SDK1: variants seen among roughly 807,000 people sequenced by gnomAD.
SDK1 encodes sidekick cell adhesion molecule 1, also known as protein sidekick-1.
In SDK1, 157 loss-of-function variants were observed where a neutral mutation model predicts 245.5. The observed-to-expected ratio is 0.64, with a 90% CI of 0.56 to 0.73. SDK1 has a LOEUF of 0.73. Among genes scored for constraint, SDK1 ranks in the 30% least tolerant of loss-of-function variants. The probability of loss-of-function intolerance (pLI) is 0.00; values close to 1 mark genes in which losing one functional copy is unlikely to be tolerated. For missense variants in SDK1, 3,583 were observed against 3,002.3 expected (o/e 1.19, Z -4.52); for synonymous variants, 1,647 against 1,278.5 (o/e 1.29, Z -6.15).
intron 1 of SDK1, among the ~76,000 whole-genome samples, chr7:3,467,759 T>G (rs550394087): frequency 6.6e-6 from 1 of 152,230 alleles, no homozygotes; most frequent in African/African-American, 2.4e-5. Flanking sequence ...ATTTTTTTAG[T>G]AAAGCATTTG....
intron 4 of SDK1, among the ~76,000 whole-genome samples, chr7:3,791,485 A>T (rs1781088030): frequency 1.3e-5 from 2 of 152,170 alleles, no homozygotes; most frequent in African/African-American, 2.4e-5. Flanking sequence ...GTCATCAGTC[A>T]TGAGCCCAAA....
rs1054233360 is a variant in SDK1 at position 4,226,293 on chromosome 7, C to A, written c.5827+4929C>A. Among the ~76,000 whole-genome samples the A allele has an allele frequency of 7.9e-5, 12 of 152,182 alleles. 1 individual carries two copies. The highest frequency in any genetic ancestry group is 7.2e-4 in the Admixed American group (11 of 15,276). On this transcript the variant is annotated intron_variant, in intron 40 of 44. Coordinates refer to ENST00000404826, the MANE Select transcript of SDK1 (RefSeq NM_152744.4). ...AGACGGGCACTCGGTGCCAGGCAGC[C>A]CCTCTGGCCCACGTGGTCGGCTCGG... is the stretch of plus-strand genomic sequence containing the variant.
At chr7:3,771,755 A>G (rs1362990347) in intron 4 of SDK1, among the ~76,000 whole-genome samples, 2 of 152,176 alleles carry the variant, frequency 1.3e-5, no homozygotes, top group Admixed American at 6.5e-5. Context: ...GGTAAAATAC[A>G]GATAATCAAA....
intron 4 of SDK1, among the ~76,000 whole-genome samples, chr7:3,812,385 CA>C (rs1226098867): frequency 2.0e-5 from 3 of 152,184 alleles, no homozygotes; most frequent in Non-Finnish European, 4.4e-5. Context: ...GAACGTATTT[CA>C]AATCCAAAGG....
At chr7:3,636,292 A>G (rs1006627541) in intron 2 of SDK1, among the ~76,000 whole-genome samples, 5 of 152,196 alleles carry the variant, frequency 3.3e-5, no homozygotes, top group Non-Finnish European at 7.3e-5. Flanking sequence ...TGTAAATGCT[A>G]TGCTGCACAG....
chr7:3,385,277 C>A (rs1211901121), intron 1 of SDK1, among the ~76,000 whole-genome samples: 1 of 151,936 alleles, frequency 6.6e-6, no homozygotes, highest in African/African-American at 2.4e-5. Flanking sequence ...TATTTTTAAC[C>A]AATTGGAAGG....
At chr7:3,655,888 T>C (rs1783167760) in intron 4 of SDK1, among the ~76,000 whole-genome samples, 1 of 151,994 alleles carries the variant, frequency 6.6e-6, no homozygotes, top group Non-Finnish European at 1.5e-5. Context: ...GAGATAAGGG[T>C]ATATATCAAA....
At chr7:3,306,164 T>G (rs1779412892) in intron 1 of SDK1, among the ~76,000 whole-genome samples, 1 of 152,194 alleles carries the variant, frequency 6.6e-6, no homozygotes, top group Admixed American at 6.5e-5. Context: ...TTGAGTAATC[T>G]GACCTCAAGT....
intron 4 of SDK1, among the ~76,000 whole-genome samples, chr7:3,672,770 T>TATATATATATATAC (rs1562646665): frequency 2.3e-5 from 2 of 88,872 alleles, no homozygotes; most frequent in African/African-American, 4.1e-5. Flanking sequence ...TATATATATA[T>TATATATATATATAC]ATATATATAT....
At chr7:3,627,573 T>C (rs527708157) in intron 2 of SDK1, among the ~76,000 whole-genome samples, 1 of 152,272 alleles carries the variant, frequency 6.6e-6, no homozygotes, top group South Asian at 2.1e-4. Flanking sequence ...GCTTGAAGAA[T>C]TGTGTCGCAC....
chr7:4,225,037 TA>T (rs1785345208), intron 40 of SDK1, among the ~76,000 whole-genome samples: 1 of 107,732 alleles, frequency 9.3e-6, no homozygotes, highest in Non-Finnish European at 1.9e-5. Flanking sequence ...ACTAGAAAAC[TA>T]CAGAAGGGCC....
At position 3,687,056 on chromosome 7, in the gene SDK1, A is replaced by AAAACAC. The variant is rs758259836; in HGVS notation, c.713+44952_713+44953insAACACA. 2.4e-4 allele frequency among the ~76,000 whole-genome samples: 33 copies of AAAACAC among 135,250 alleles called. 1 individual carries two copies. The South Asian group carries it at 7.6e-3, about 31-fold the overall frequency. The allele number at this position is 135,250 out of a possible 152,430, so 88.7% of individuals were successfully genotyped here. On this transcript the variant is annotated intron_variant, in intron 4 of 44. Transcript: ENST00000404826. ...CCAAACTGGGTTGGGATAGCATCAA[A>AAAACAC]ACACACACACACACACACACACACA... is the stretch of plus-strand genomic sequence containing the variant.
chr7:3,977,968 A>G (rs1783096431), intron 13 of SDK1, among the ~76,000 whole-genome samples: 2 of 152,102 alleles, frequency 1.3e-5, no homozygotes, highest in African/African-American at 4.8e-5. Flanking sequence ...TGGTTTCCCC[A>G]CCATGGGTAT....
chr7:4,096,060 T>C (rs1196097396), intron 22 of SDK1, among the ~76,000 whole-genome samples: 1 of 152,222 alleles, frequency 6.6e-6, no homozygotes, highest in African/African-American at 2.4e-5. Flanking sequence ...TGTCCTGAAA[T>C]GTAGCTGTAA....
chr7:3,681,170 C>T (rs1300326013), intron 4 of SDK1, among the ~76,000 whole-genome samples: 1 of 149,482 alleles, frequency 6.7e-6, no homozygotes, highest in African/African-American at 2.5e-5. Context: ...ATAGTTTCAC[C>T]ATCTGAGTAT....
chr7:4,106,861 C>A (rs959888602), intron 22 of SDK1, among the ~76,000 whole-genome samples: 2 of 152,074 alleles, frequency 1.3e-5, no homozygotes, highest in African/African-American at 4.8e-5. Context: ...CCCGCAGCAG[C>A]CCCTGTGGCT....
chr7:3,478,033 C>T (rs1180110919), intron 1 of SDK1, among the ~76,000 whole-genome samples: 1 of 152,080 alleles, frequency 6.6e-6, no homozygotes, highest in Non-Finnish European at 1.5e-5. Context: ...CAACATACTC[C>T]TTAGGAAACT....
chr7:4,077,265 C>G, intron 21 of SDK1, 76 bp downstream of exon 21: 1 of 1,424,098 alleles, frequency 7.0e-7, no homozygotes, highest in Non-Finnish European at 9.6e-7. Flanking sequence ...TTGATTGGCA[C>G]TTTGGTGTGG....
chr7:3,493,968 A>G (rs895105464), intron 1 of SDK1, among the ~76,000 whole-genome samples: 9 of 152,382 alleles, frequency 5.9e-5, no homozygotes, highest in African/African-American at 1.9e-4. Flanking sequence ...CAGAACAGGC[A>G]GAAGAATATG....
Sources: gnomAD v4.1 joint callset for allele counts (sites outside exome capture counted in the v4.1 genomes callset) on GRCh38, gnomAD v4.1.1 for gene constraint, MANE v1.5 for transcripts, NCBI Gene and HGNC (gene_info 2026-07-23, HGNC 2026-07-21) for gene names.